Variants in KDM2A observed in about 807,000 individuals in gnomAD.
The protein encoded by KDM2A is lysine demethylase 2A.
In KDM2A, 3 loss-of-function variants were observed where a neutral mutation model predicts 137.3. The ratio of observed to expected loss-of-function variants is 0.02; its 90% CI spans 0.01 to 0.06. The LOEUF is 0.06. Ranked by LOEUF, KDM2A falls within the 10% of genes least tolerant of loss-of-function variation. The probability of loss-of-function intolerance (pLI) is 1.00; values close to 1 mark genes in which losing one functional copy is unlikely to be tolerated. For synonymous variants in KDM2A, 512 were observed against 541.5 expected (o/e 0.95, Z 0.76); for missense variants, 738 against 1,510.6 (o/e 0.49, Z 8.48).
At chr11:67,189,590 A>C (rs1475769185) in intron 5 of KDM2A, among the ~76,000 whole-genome samples, 1 of 152,196 alleles carries the variant, frequency 6.6e-6, no homozygotes, top group African/African-American at 2.4e-5. Context: ...CTGTAATCCT[A>C]GCACTTTGGC....
intron 5 of KDM2A, among the ~76,000 whole-genome samples, chr11:67,202,258 C>G (rs918351755): frequency 2.0e-5 from 3 of 152,000 alleles, no homozygotes; most frequent in East Asian, 1.9e-4. Context: ...GGAATCTACT[C>G]CTGGTGGAGA....
chr11:67,195,369 CAAAAAAAAAAAAA>C (rs34494813), intron 5 of KDM2A, among the ~76,000 whole-genome samples: 8 of 65,226 alleles, frequency 1.2e-4, no homozygotes, highest in South Asian at 9.8e-4. Flanking sequence ...ACTCCGTCTC[CAAAAAAAAAAAAA>C]AAAAAAAAAA....
At chr11:67,201,224 G>A (rs1255066463) in intron 5 of KDM2A, among the ~76,000 whole-genome samples, 2 of 149,018 alleles carry the variant, frequency 1.3e-5, no homozygotes, top group African/African-American at 4.9e-5. Flanking sequence ...ATATATGTGT[G>A]TGTGTGTGTG....
chr11:67,126,424 T>C lies in KDM2A; in HGVS notation c.42+5066T>C, dbSNP rs576427236. The stretch of plus-strand genomic sequence containing the variant: ...CCGTTTCTCACACACAGATTGTTTT[T>C]TGGCCGGGTGCGGTTGCTTATGCCT... On this transcript the variant is annotated intron_variant, in intron 2 of 20. Coordinates refer to ENST00000529006, the MANE Select transcript of KDM2A (RefSeq NM_012308.3). Among the ~76,000 whole-genome samples the C allele has an allele frequency of 1.8e-4, 27 of 151,000 alleles. 1 individual carries two copies. Among genetic ancestry groups the C allele is most frequent in the African/African-American group, 6.1e-4 (25 of 41,182 alleles).
intron 2 of KDM2A, among the ~76,000 whole-genome samples, chr11:67,135,316 G>T (rs1442486381): frequency 6.6e-6 from 1 of 151,978 alleles, no homozygotes; most frequent in Non-Finnish European, 1.5e-5. Context: ...CACCTGCCTC[G>T]GCCTCCAAAA....
intron 2 of KDM2A, chr11:67,143,431 A>G (rs1856168627): frequency 6.6e-6 from 1 of 152,080 alleles, no homozygotes; most frequent in Non-Finnish European, 1.5e-5. Context: ...CATGCAGAAA[A>G]GTCCGTAAAA....
At chr11:67,225,070 C>G (rs1287848222) in intron 10 of KDM2A, among the ~76,000 whole-genome samples, 5 of 151,846 alleles carry the variant, frequency 3.3e-5, no homozygotes, top group Non-Finnish European at 7.4e-5. Flanking sequence ...TCAGGTGATC[C>G]ACTTGCCTTG....
chr11:67,204,867 C>G (rs996783245), intron 5 of KDM2A, among the ~76,000 whole-genome samples: 3 of 152,114 alleles, frequency 2.0e-5, no homozygotes, highest in African/African-American at 7.2e-5. Context: ...TCGACTATTT[C>G]CTTGTATGGA....
chr11:67,199,399 AAT>A (rs1857563215), intron 5 of KDM2A, among the ~76,000 whole-genome samples: 2 of 152,236 alleles, frequency 1.3e-5, no homozygotes, highest in Non-Finnish European at 2.9e-5. Context: ...TTTTACATCA[AAT>A]AGTTAACCAA....
At chr11:67,224,607 A>G (rs1858475976) in intron 10 of KDM2A, among the ~76,000 whole-genome samples, 1 of 151,088 alleles carries the variant, frequency 6.6e-6, no homozygotes, top group Non-Finnish European at 1.5e-5. Flanking sequence ...AGCTGGGGCT[A>G]CAGGCACCCG....
rs373611385 is a variant in KDM2A, at chr11:67,141,566, C to G, written c.42+20208C>G. Among the ~76,000 whole-genome samples the G allele has an allele frequency of 2.1e-4, 31 of 148,184 alleles. No homozygotes were observed. The East Asian group carries it at 6.0e-3, about 29-fold the overall frequency. On this transcript the variant is annotated intron_variant, in intron 2 of 20. Coordinates refer to ENST00000529006, the MANE Select transcript of KDM2A (RefSeq NM_012308.3). ...CCTGTAGTCCCAGCTGCTCGGGAGG[C>G]TAAGGCAGGAGAATGGCGTGAACCC...
intron 5 of KDM2A, among the ~76,000 whole-genome samples, chr11:67,191,986 C>T (rs1857365743): frequency 6.6e-6 from 1 of 152,092 alleles, no homozygotes; most frequent in Non-Finnish European, 1.5e-5. Flanking sequence ...CTTAGTTTTG[C>T]TGTTTGTCAA....
intron 2 of KDM2A, among the ~76,000 whole-genome samples, chr11:67,175,855 G>A (rs1427872071): frequency 6.6e-6 from 1 of 152,172 alleles, no homozygotes; most frequent in African/African-American, 2.4e-5. Context: ...TATTCTAGTA[G>A]CATTGCTCTT....
chr11:67,130,551 C>T (rs139997733), intron 2 of KDM2A, among the ~76,000 whole-genome samples: 428 of 152,130 alleles, frequency 2.8e-3, no homozygotes, highest in Non-Finnish European at 3.7e-3. Context: ...GTGTTATTCT[C>T]GGGTCTTGGT....
intron 13 of KDM2A, among the ~76,000 whole-genome samples, chr11:67,244,885 C>T (rs534771572): frequency 6.6e-6 from 1 of 151,508 alleles, no homozygotes; most frequent in East Asian, 2.0e-4. Flanking sequence ...ACTTGGGAGG[C>T]TGAGGCAGGA....
chr11:67,168,171 A>G (rs1314698016), intron 2 of KDM2A, among the ~76,000 whole-genome samples: 5 of 152,170 alleles, frequency 3.3e-5, no homozygotes, highest in Non-Finnish European at 5.9e-5. Context: ...TAGTAAGTGA[A>G]GAGAAACCCC....
intron 5 of KDM2A, among the ~76,000 whole-genome samples, chr11:67,184,748 C>T (rs181346818): frequency 1.9e-4 from 29 of 152,256 alleles, no homozygotes; most frequent in African/African-American, 6.3e-4. Flanking sequence ...ACTGCATATG[C>T]ACATGGACGG....
chr11:67,180,582 C>T (rs559149978), intron 3 of KDM2A: 24 of 173,196 alleles, frequency 1.4e-4, no homozygotes, highest in African/African-American at 3.8e-4. Flanking sequence ...CCATGCGCAC[C>T]GTGCATCTTT....
Position 67,219,361 on chromosome 11 carries a change from C to T in KDM2A, c.915C>T (p.Ile305=), listed in dbSNP as rs1858265793. The T allele has an allele frequency of 1.2e-6, 2 of 1,609,064 alleles. No homozygotes were observed. The highest frequency in any genetic ancestry group is 1.1e-5 in the South Asian group (1 of 90,260). The change falls in exon 10 of 21, where the codon ATC becomes ATT. Residue 305 remains isoleucine (I), a synonymous_variant. Transcript: ENST00000529006. ...FGGNFLHSFN[I]PMQLKIYNIE... ...GCAATTTTTTGCATAGCTTCAACAT[C>T]CCTATGCAGTTAAAAATATACAACA...
Sources: gnomAD v4.1 joint callset for allele counts (sites outside exome capture counted in the v4.1 genomes callset) on GRCh38, gnomAD v4.1.1 for gene constraint, MANE v1.5 for transcripts, NCBI Gene and HGNC (gene_info 2026-07-23, HGNC 2026-07-21) for gene names.